The following HEPH variants were observed in gnomAD, a reference collection of about 807,000 sequenced individuals.
HEPH encodes the protein hephaestin.
A neutral mutation model predicts 80.8 loss-of-function variants in HEPH; 69 were observed. The ratio of observed to expected loss-of-function variants is 0.85; its 90% confidence interval spans 0.70 to 1.04. HEPH has a LOEUF of 1.04. Ranked by LOEUF, HEPH falls within the 50% of genes least tolerant of loss-of-function variation. The pLI is 0.00. For synonymous variants in HEPH, 431 were observed against 322.8 expected (o/e 1.34, Z -3.60); for missense variants, 1,115 against 891.3 (o/e 1.25, Z -3.20).
chrX:66,243,802 G>T (rs1292862344), intron 15 of HEPH, among the ~76,000 whole-genome samples: 2 of 112,326 alleles, frequency 1.8e-5, no homozygotes, highest in African/African-American at 6.5e-5. Context: ...TCATTGGTAA[G>T]GGTCTTTCCT....
intron 15 of HEPH, among the ~76,000 whole-genome samples, chrX:66,238,395 G>C (rs2090441488): frequency 9.0e-6 from 1 of 111,294 alleles, no homozygotes; most frequent in South Asian, 3.8e-4. Context: ...GCCAGATATG[G>C]AATTCTGAGT....
chrX:66,239,312 G>A (rs1464132595), intron 15 of HEPH, among the ~76,000 whole-genome samples: 1 of 111,359 alleles, frequency 9.0e-6, no homozygotes, highest in Non-Finnish European at 1.9e-5. Flanking sequence ...GCCCCTTGTA[G>A]AGTCCCCAGA....
chrX:66,191,488 G>A (rs1202249741), intron 6 of HEPH, among the ~76,000 whole-genome samples: 1 of 111,873 alleles, frequency 8.9e-6, no homozygotes, highest in Admixed American at 9.4e-5. Context: ...TAATATAGCT[G>A]AGTGACCTCT....
At chrX:66,199,234 G>A (rs760187667) in intron 11 of HEPH, among the ~76,000 whole-genome samples, 14 of 111,745 alleles carry the variant, frequency 1.3e-4, no homozygotes, top group South Asian at 1.1e-3. Context: ...CAGTATGGGG[G>A]AAACTGGAAG....
At chrX:66,222,215 C>T (rs1014766558) in intron 15 of HEPH, among the ~76,000 whole-genome samples, 1 of 112,899 alleles carries the variant, frequency 8.9e-6, no homozygotes, top group African/African-American at 3.2e-5. Flanking sequence ...TGTTGGGAGA[C>T]GGAGGTTGGA....
Position 66,188,400 on chromosome X carries a change from G to T in HEPH, c.667G>T (p.Asp223Tyr). 1 of 1,203,056 alleles carries T rather than the reference G, an allele frequency of 8.3e-7. No individual in the cohort carries two copies. Among genetic ancestry groups the T allele is most frequent in the Non-Finnish European group, 1.1e-6 (1 of 890,920 alleles). Residue 223 changes from aspartate to tyrosine, a missense_variant, in exon 5 of 21, where the codon GAC becomes TAC. Physicochemically the swap from Asp to Tyr is radical, Grantham distance 160 (BLOSUM62 -3). This residue lies in a region of HEPH where 391 missense variants were observed against 343.6 expected (regional missense o/e 1.14). Coordinates refer to ENST00000343002, the MANE Select transcript of HEPH (RefSeq NM_001367233.3). ...CTCCCCTCCTCAACGCCAGGATGTAGACCATGATTTCTTCCTCCTCTTCAG... is the reference window on the plus strand; with the variant it reads ...CTCCCCTCCTCAACGCCAGGATGTATACCATGATTTCTTCCTCCTCTTCAG... ...GNSPPQRQDV[D>Y]HDFFLLFSVV...
At chrX:66,199,843 CAT>C (rs768971257) in intron 11 of HEPH, among the ~76,000 whole-genome samples, 2 of 111,709 alleles carry the variant, frequency 1.8e-5, no homozygotes, top group Non-Finnish European at 3.8e-5. Context: ...AAGAGGAAAT[CAT>C]GTGAAAAGTC....
chrX:66,236,263 C>T (rs1005523867), intron 15 of HEPH, among the ~76,000 whole-genome samples: 2 of 111,241 alleles, frequency 1.8e-5, no homozygotes, highest in African/African-American at 6.5e-5. Flanking sequence ...TCATAGATGG[C>T]TCTTATTATT....
At chrX:66,187,145 TTTG>T (rs561402573) in intron 4 of HEPH, among the ~76,000 whole-genome samples, 7 of 110,309 alleles carry the variant, frequency 6.3e-5, no homozygotes, top group South Asian at 3.8e-4. Flanking sequence ...TCTTATTTTT[TTTG>T]TTGTTGTTGT....
chrX:66,162,703 C>T, upstream of HEPH: 1 of 1,149,993 alleles, frequency 8.7e-7, no homozygotes, highest in Non-Finnish European at 1.2e-6. Flanking sequence ...AGTGTCTGAG[C>T]ACACTTAAGA....
intron 19 of HEPH, among the ~76,000 whole-genome samples, chrX:66,262,305 T>G (rs751702984): frequency 8.9e-6 from 1 of 112,021 alleles, no homozygotes; most frequent in African/African-American, 3.2e-5. Flanking sequence ...CTTTCTACTC[T>G]AAGAAGAAAG....
chrX:66,238,452 C>T (rs771655876), intron 15 of HEPH, among the ~76,000 whole-genome samples: 13 of 111,180 alleles, frequency 1.2e-4, no homozygotes, highest in Non-Finnish European at 2.3e-4. Flanking sequence ...GGCTGAAGTG[C>T]GAGGATCCCT....
At chrX:66,162,889 G>A, upstream of HEPH, 1 of 1,150,890 alleles carries the variant, frequency 8.7e-7, no homozygotes. Flanking sequence ...AAGAATATCA[G>A]GTGGTGGAAC....
At position 66,188,435 on chromosome X, in the gene HEPH, T is replaced by C; in HGVS notation, c.702T>C (p.Asp234=). 5.0e-6 allele frequency: 6 copies of C among 1,207,038 alleles called. No individual in the cohort carries two copies. Among genetic ancestry groups the C allele is most frequent in the Non-Finnish European group, 6.7e-6 (6 of 892,341 alleles). ...HDFFLLFSVV[D]ENLSWHLNEN... ...TCTTCCTCCTCTTCAGTGTGGTAGA[T>C]GAGAACCTCAGCTGGCATCTCAATG... Residue 234 remains aspartate (D), a synonymous_variant, in exon 5 of 21, where the codon GAT becomes GAC. Transcript: ENST00000343002.
At chrX:66,267,826 C>G (rs2091576698), downstream of HEPH, 1 of 110,480 alleles carries the variant, frequency 9.1e-6, no homozygotes, top group African/African-American at 3.3e-5. Context: ...AAATTTGAGC[C>G]AAATATTGGT....
intron 1 of HEPH, among the ~76,000 whole-genome samples, chrX:66,165,273 G>T (rs1438490845): frequency 8.9e-6 from 1 of 111,862 alleles, no homozygotes; most frequent in African/African-American, 3.2e-5. Flanking sequence ...TTATTGAAAG[G>T]TCACATAGCT....
At chrX:66,193,661 A>G in intron 8 of HEPH, 23 bp downstream of exon 8, 13 of 1,145,382 alleles carry the variant, frequency 1.1e-5, no homozygotes, top group Non-Finnish European at 1.5e-5. Flanking sequence ...TAAATTATGA[A>G]ATTCATTTAC....
intron 4 of HEPH, among the ~76,000 whole-genome samples, chrX:66,174,981 G>A (rs1358288111): frequency 1.8e-5 from 2 of 111,555 alleles, no homozygotes; most frequent in African/African-American, 6.5e-5. Flanking sequence ...TGTTTACTCT[G>A]TTGACTGTTC....
chrX:66,259,941 T>A (rs1303440622), intron 18 of HEPH, among the ~76,000 whole-genome samples, 159 bp from the exon 19 acceptor site: 3 of 109,899 alleles, frequency 2.7e-5, no homozygotes, highest in Non-Finnish European at 5.7e-5. Context: ...TTAGCCAGGA[T>A]GGTCTTGGTA....
Sources: gnomAD v4.1 joint callset for allele counts (sites outside exome capture counted in the v4.1 genomes callset) on GRCh38, gnomAD v4.1.1 for gene constraint, gnomAD v4.1.1 regional missense constraint, MANE v1.5 for transcripts, NCBI Gene and HGNC (gene_info 2026-07-23, HGNC 2026-07-21) for gene names.